NINL: variants seen among roughly 807,000 people sequenced by gnomAD.
The protein encoded by NINL is ninein-like protein.
In NINL, 153 loss-of-function variants were observed where a neutral mutation model predicts 160.3. The observed-to-expected ratio is 0.95, with a 90% CI of 0.84 to 1.09. The LOEUF (loss-of-function observed/expected upper bound fraction) is 1.09, where lower values mean the gene tolerates loss of function less well. Ranked by LOEUF, NINL falls within the 50% of genes least tolerant of loss-of-function variation. The pLI, the probability that NINL is intolerant of heterozygous loss-of-function variation, is 0.00. For synonymous variants in NINL, 800 were observed against 734.8 expected (o/e 1.09, Z -1.43); for missense variants, 1,829 against 1,764.0 (o/e 1.04, Z -0.66).
At chr20:25,507,214 G>A (rs1216429301) in intron 5 of NINL, among the ~76,000 whole-genome samples, 5 of 151,606 alleles carry the variant, frequency 3.3e-5, no homozygotes, top group Admixed American at 2.0e-4. Flanking sequence ...CTGAAAACCT[G>A]AGTTAGCATC....
chr20:25,484,201 A>G (rs2063460714), intron 13 of NINL, among the ~76,000 whole-genome samples: 1 of 152,244 alleles, frequency 6.6e-6, no homozygotes, highest in Non-Finnish European at 1.5e-5. Context: ...AAAAACACCA[A>G]TATCCTTGTT....
At chr20:25,490,122 G>A in intron 11 of NINL, 137 bp from the exon 12 acceptor site, 2 of 781,664 alleles carry the variant, frequency 2.6e-6, no homozygotes, top group Non-Finnish European at 4.3e-6. Context: ...GAGGCACCTG[G>A]TGCTGTGCAG....
chr20:25,528,509 A>T (rs191431769), intron 1 of NINL, among the ~76,000 whole-genome samples: 201 of 152,232 alleles, frequency 1.3e-3, no homozygotes, highest in African/African-American at 4.4e-3. Flanking sequence ...AAATATATTT[A>T]AAAAAAGGGA....
chr20:25,462,333 C>A (rs763572519), intron 20 of NINL, 50 bp downstream of exon 20: 11 of 1,585,388 alleles, frequency 6.9e-6, no homozygotes, highest in Non-Finnish European at 6.0e-6. Context: ...CGCCTCCCCA[C>A]CCTGAGCTCC....
intron 1 of NINL, among the ~76,000 whole-genome samples, chr20:25,573,057 G>A (rs1375696536): frequency 6.6e-6 from 1 of 152,120 alleles, no homozygotes; most frequent in East Asian, 1.9e-4. Context: ...AGCACTTTGG[G>A]AGGCCGAGGC....
intron 1 of NINL, among the ~76,000 whole-genome samples, chr20:25,567,779 T>G (rs1471321077): frequency 6.6e-6 from 1 of 152,196 alleles, no homozygotes; most frequent in East Asian, 1.9e-4. Context: ...AATAGAAAGA[T>G]GCAACCGAAA....
chr20:25,577,902 G>A (rs2065134736), intron 1 of NINL, among the ~76,000 whole-genome samples: 1 of 151,254 alleles, frequency 6.6e-6, no homozygotes, highest in Non-Finnish European at 1.5e-5. Flanking sequence ...GCGCGATCTC[G>A]GCTCACTGCA....
Position 25,512,897 on chromosome 20 carries a change from C to A in NINL, c.387G>T (p.Glu129Asp). ...TTTTCAGGCTGGCCTGGGTTTGCTG[C>A]TCCGGCACGCGTCTGGCTTCTGTGG... is the stretch of plus-strand genomic sequence containing the variant. ...DAATEARRVP[E>D]QQTQASLKSH... Residue 129 changes from glutamate (E) to aspartate (D), a missense_variant, in exon 4 of 24, where the codon GAG becomes GAT. By Grantham distance (45) the Glu-to-Asp change is conservative. Transcript: ENST00000278886. The A allele has an allele frequency of 6.2e-7, 1 of 1,614,220 alleles. No individual in the cohort carries two copies. Among genetic ancestry groups the A allele is most frequent in the Non-Finnish European group, 8.5e-7 (1 of 1,180,038 alleles).
At chr20:25,483,532 T>C (rs1241267835) in intron 13 of NINL, among the ~76,000 whole-genome samples, 2 of 152,228 alleles carry the variant, frequency 1.3e-5, no homozygotes, top group African/African-American at 2.4e-5. Context: ...AGGAAACCAT[T>C]TGCTTCAGAT....
intron 1 of NINL, among the ~76,000 whole-genome samples, chr20:25,539,179 G>A (rs552014566): frequency 3.2e-4 from 49 of 152,342 alleles, no homozygotes; most frequent in African/African-American, 1.1e-3. Flanking sequence ...GGACAGCAAA[G>A]ATAAGGAGTC....
Position 25,491,499 on chromosome 20 carries a change from C to G in NINL, c.1337G>C (p.Arg446Thr). The change falls in exon 11 of 24, where the codon AGG becomes ACG. Residue 446 changes from arginine (R) to threonine (T), a missense_variant. Coordinates refer to ENST00000278886, the MANE Select transcript of NINL (RefSeq NM_025176.6). Reference sequence around the variant, plus strand: ...CACCTCAGACCGCAGGAGGCTCAGCCTTTCCCGGTACCCCTGCTCCAGATG... The same window carrying G: ...CACCTCAGACCGCAGGAGGCTCAGCGTTTCCCGGTACCCCTGCTCCAGATG... ...IKHLEQGYRE[R>T]LSLLRSEVEA... is the part of the protein sequence containing the mutation. 1 of 1,614,008 alleles carries G rather than the reference C, an allele frequency of 6.2e-7. No individual in the cohort carries two copies. The highest frequency in any genetic ancestry group is 8.5e-7 in the Non-Finnish European group (1 of 1,179,974).
chr20:25,550,710 G>A (rs1190497930), intron 1 of NINL, among the ~76,000 whole-genome samples: 2 of 152,228 alleles, frequency 1.3e-5, no homozygotes, highest in African/African-American at 4.8e-5. Context: ...TCTCAGTGCA[G>A]TAAAGAGCAG....
At chr20:25,533,888 A>C (rs1026297164) in intron 1 of NINL, among the ~76,000 whole-genome samples, 1 of 152,250 alleles carries the variant, frequency 6.6e-6, no homozygotes, top group African/African-American at 2.4e-5. Flanking sequence ...ATAAACAGAG[A>C]GAAAGCTTCA....
chr20:25,570,048 T>C (rs958088053), intron 1 of NINL, among the ~76,000 whole-genome samples: 2 of 149,488 alleles, frequency 1.3e-5, no homozygotes, highest in Non-Finnish European at 3.0e-5. Flanking sequence ...CTGGGCATGG[T>C]GGGCACCTGT....
In NINL at chr20:25,476,604, G is replaced by T. The variant is rs771429558; in HGVS notation, c.2687C>A (p.Ala896Asp). ...EATQSPAPAP[A>D]PASHGPSERW... ...CTCTGAGGGGCCGTGGGATGCCGGG[G>T]CAGGGGCGGGGGCCGGGCTCTGCGT... The change falls in exon 17 of 24, where the codon GCC becomes GAC. Residue 896 changes from alanine (A) to aspartate (D), a missense_variant. Ala to Asp is a moderately radical substitution (Grantham distance 126, BLOSUM62 -2). Transcript: ENST00000278886. The T allele has an allele frequency of 6.3e-7, 1 of 1,597,160 alleles. No individual in the cohort carries two copies. The highest frequency in any genetic ancestry group is 8.5e-7 in the Non-Finnish European group (1 of 1,178,734).
At chr20:25,511,202 T>G (rs2064064412) in intron 4 of NINL, among the ~76,000 whole-genome samples, 1 of 152,144 alleles carries the variant, frequency 6.6e-6, no homozygotes, top group Non-Finnish European at 1.5e-5. Context: ...TCTCTGCACC[T>G]TTCCCTCACC....
At position 25,453,474 on chromosome 20, in the gene NINL, C is replaced by T; in HGVS notation, c.4126G>A (p.Ala1376Thr). 6.2e-7 allele frequency: 1 copy of T among 1,611,696 alleles called. No homozygotes were observed. The highest frequency in any genetic ancestry group is 1.1e-5 in the South Asian group (1 of 90,700). Reference protein sequence around the residue: ...RALNKLVSRIAPAALSV With the variant: ...RALNKLVSRITPAALSV ...CTTTACACAGAGAGGGCTGCGGGGGCAATCCTACTGACGAGTTTGTTGAGA... is the reference window on the plus strand; with the variant it reads ...CTTTACACAGAGAGGGCTGCGGGGGTAATCCTACTGACGAGTTTGTTGAGA... Residue 1376 changes from alanine to threonine, a missense_variant, in exon 24 of 24, where the codon GCC becomes ACC. By Grantham distance (58) the Ala-to-Thr change is moderately conservative. Transcript: ENST00000278886.
Position 25,498,104 on chromosome 20 carries a change from G to A in NINL, c.1169+106C>T, listed in dbSNP as rs2063794664. The A allele has an allele frequency of 2.2e-6, 3 of 1,359,118 alleles. No individual in the cohort carries two copies. The South Asian group carries it at 3.9e-5, about 17-fold the overall frequency. The allele number at this position is 1,359,118 out of a possible 1,614,324, so 84.2% of individuals were successfully genotyped here. A position where few individuals can be genotyped will look rare whatever the true frequency, so the allele number is the denominator to read the frequency against. On this transcript the variant is annotated intron_variant, in intron 9 of 23. Transcript: ENST00000278886. ...AGAGCCCTGCCCCAGGACTGGCCAT[G>A]TGGGGTGGATAAGAGCTGACTGGTG... is the stretch of plus-strand genomic sequence containing the variant.
intron 1 of NINL, among the ~76,000 whole-genome samples, chr20:25,550,978 G>A (rs1040380878): frequency 6.6e-5 from 10 of 151,940 alleles, no homozygotes; most frequent in Non-Finnish European, 1.2e-4. Flanking sequence ...GGCTGTCTCA[G>A]TGGGGGGAAA....
Sources: allele counts gnomAD v4.1 joint callset (sites outside exome capture counted in the v4.1 genomes callset), GRCh38; gene constraint gnomAD v4.1.1; transcripts MANE v1.5; gene names NCBI Gene and HGNC (gene_info 2026-07-23, HGNC 2026-07-21).